The following MAS1 variants were observed in gnomAD, a reference collection of about 807,000 sequenced individuals.
MAS1 encodes the protein MAS1 proto-oncogene, G protein-coupled receptor.
For synonymous variants in MAS1, 163 were observed against 164.2 expected (o/e 0.99, Z 0.05); for missense variants, 387 against 409.7 (o/e 0.94, Z 0.48).
rs562156093 is a variant in MAS1 at position 159,912,129 on chromosome 6, A to C, written c.*4196A>C. 4 of 152,442 alleles carry C rather than the reference A, an allele frequency of 2.6e-5. No individual in the cohort carries two copies. In the East Asian group the frequency reaches 7.7e-4, roughly 29 times the overall value. 9.4% of individuals were successfully genotyped at this position (152,442 alleles called of 1,614,324 possible). ...TTTCTCTGGAGACAGCATTGTATGC[A>C]CTGAGATGAGCAACTGGAGAGCCAC... On this transcript the variant is annotated 3_prime_UTR_variant, in exon 3 of 3. Transcript: ENST00000674077.
rs971918619 is a variant in MAS1, at chr6:159,910,235, T to C, written c.*2302T>C. ...GTAGCATTCCTACTACAAAGATTCA[T>C]GCACAGCCTTCTCTGCAGAACACCA... On this transcript the variant is annotated 3_prime_UTR_variant, in exon 3 of 3. Transcript: ENST00000674077. 1 of 152,218 alleles carries C rather than the reference T, an allele frequency of 6.6e-6. No individual in the cohort carries two copies. Among genetic ancestry groups the C allele is most frequent in the East Asian group, 1.9e-4 (1 of 5,200 alleles). 9.4% of individuals were successfully genotyped at this position (152,218 alleles called of 1,614,324 possible).
At position 159,908,509 on chromosome 6, in the gene MAS1, G is replaced by GCA. The variant is rs55793021; in HGVS notation, c.*611_*612dup. 37,605 of 145,588 alleles carry GCA rather than the reference G, an allele frequency of 0.26. 4,917 individuals carry two copies. Among genetic ancestry groups the GCA allele is most frequent in the Middle Eastern group, 0.35 (102 of 288 alleles). The allele number at this position is 145,588 out of a possible 1,614,324, so 9.0% of individuals were successfully genotyped here. A position where few individuals can be genotyped will look rare whatever the true frequency, so the allele number is the denominator to read the frequency against. ...AAGATATAAATTTTTGTTTTGTAAAGCACACACACACACACACACACACAC... is the reference window on the plus strand; with the variant it reads ...AAGATATAAATTTTTGTTTTGTAAAGCACACACACACACACACACACACACAC... On this transcript the variant is annotated 3_prime_UTR_variant, in exon 3 of 3. Coordinates refer to ENST00000674077, the MANE Select transcript of MAS1 (RefSeq NM_002377.4).
chr6:159,905,843 A>G (rs931419323), intron 2 of MAS1, among the ~76,000 whole-genome samples: 19 of 152,176 alleles, frequency 1.2e-4, no homozygotes, highest in African/African-American at 4.3e-4. Flanking sequence ...GGAGTTCAAG[A>G]CCAGCCTCAC....
At chr6:159,906,730 G>C (rs527368844) in intron 2 of MAS1, 190 bp from the exon 3 acceptor site, 52 of 511,750 alleles carry the variant, frequency 1.0e-4, no homozygotes, top group African/African-American at 9.4e-4. Context: ...AGTCTTATCA[G>C]GTCTAAGTTC....
chr6:159,898,631 TTCTTCCTCCTCCCTCTTCC>T (rs1782786012), intron 1 of MAS1, among the ~76,000 whole-genome samples: 1 of 99,050 alleles, frequency 1.0e-5, no homozygotes. Flanking sequence ...CTCCTCCCTC[TTCTTCCTCCTCCCTCTTCC>T]TCCTCCTCCC....
chr6:159,896,420 A>G (rs1047439131), intron 1 of MAS1, among the ~76,000 whole-genome samples: 4 of 152,250 alleles, frequency 2.6e-5, no homozygotes, highest in African/African-American at 9.6e-5. Context: ...CTGAGTAAAA[A>G]AAGGTAGAAA....
At position 159,896,066 on chromosome 6, in the gene MAS1, C is replaced by A. The variant is rs142755833; in HGVS notation, c.-243-3120C>A. 8.0e-4 allele frequency among the ~76,000 whole-genome samples: 122 copies of A among 152,254 alleles called. 1 individual carries two copies. In the East Asian group the frequency reaches 0.018, roughly 23 times the overall value. On this transcript the variant is annotated intron_variant, in intron 1 of 2. Coordinates refer to ENST00000674077, the MANE Select transcript of MAS1 (RefSeq NM_002377.4). ...GCTCACGCCTGTAATCCCAGCACTG[C>A]GGGAGGCCAAGACAGGAGAATCAGT...
Position 159,907,312 on chromosome 6 carries a change from C to G in MAS1, c.357C>G (p.Gly119=). 6.2e-7 allele frequency: 1 copy of G among 1,614,212 alleles called. No individual in the cohort carries two copies. Among genetic ancestry groups the G allele is most frequent in the South Asian group, 1.1e-5 (1 of 91,088 alleles). ...CTTTTCTGTTTGGCTACAACACGGG[C>G]CTCTATCTGCTGACGGCCATTAGTG... ...SVTFLFGYNT[G]LYLLTAISVE... Residue 119 remains glycine, a synonymous_variant, in exon 3 of 3, where the codon GGC becomes GGG. Coordinates refer to ENST00000674077, the MANE Select transcript of MAS1 (RefSeq NM_002377.4).
chr6:159,907,425 G>T lies in MAS1; in HGVS notation c.470G>T (p.Trp157Leu). Reference sequence around the variant, plus strand: ...TCGGCATTGGTCTGTGCCCTTCTGTGGGCTCTTTCTTGCTTGGTGACCACC... The same window carrying T: ...TCGGCATTGGTCTGTGCCCTTCTGTTGGCTCTTTCTTGCTTGGTGACCACC... ...YQSALVCALL[W>L]ALSCLVTTME... is the part of the protein sequence containing the mutation. Residue 157 changes from tryptophan (W) to leucine (L), a missense_variant, in exon 3 of 3, where the codon TGG becomes TTG. Coordinates refer to ENST00000674077, the MANE Select transcript of MAS1 (RefSeq NM_002377.4). 3.7e-6 allele frequency: 6 copies of T among 1,614,022 alleles called. No individual in the cohort carries two copies. The highest frequency in any genetic ancestry group is 5.1e-6 in the Non-Finnish European group (6 of 1,180,012).
intron 1 of MAS1, among the ~76,000 whole-genome samples, chr6:159,892,980 T>C (rs988009803): frequency 6.6e-6 from 1 of 152,196 alleles, no homozygotes; most frequent in African/African-American, 2.4e-5. Flanking sequence ...CATGGTCAGT[T>C]TGACTGAAAG....
At chr6:159,904,759 C>T (rs1288442114) in intron 2 of MAS1, among the ~76,000 whole-genome samples, 3 of 152,210 alleles carry the variant, frequency 2.0e-5, no homozygotes, top group Non-Finnish European at 4.4e-5. Context: ...CCACAAAGCC[C>T]GTTTGGACCT....
chr6:159,889,551 G>A (rs958418817), upstream of MAS1, among the ~76,000 whole-genome samples: 5 of 152,060 alleles, frequency 3.3e-5, no homozygotes, highest in African/African-American at 4.8e-5. Flanking sequence ...GTTTTCTTCC[G>A]TGGGTCTGAT....
Position 159,909,267 on chromosome 6 carries a change from C to G in MAS1, c.*1334C>G, listed in dbSNP as rs1445949053. ...CAAAAGGGCAATATGTCACATGATTCTACAGGTTGTAAAATGTTCAAGTCC... is the reference window on the plus strand; with the variant it reads ...CAAAAGGGCAATATGTCACATGATTGTACAGGTTGTAAAATGTTCAAGTCC... On this transcript the variant is annotated 3_prime_UTR_variant, in exon 3 of 3. Coordinates refer to ENST00000674077, the MANE Select transcript of MAS1 (RefSeq NM_002377.4). 1.3e-5 allele frequency: 2 copies of G among 152,138 alleles called. No individual in the cohort carries two copies. Among genetic ancestry groups the G allele is most frequent in the African/African-American group, 4.8e-5 (2 of 41,420 alleles). 9.4% of individuals were successfully genotyped at this position (152,138 alleles called of 1,614,324 possible).
rs1366357694 is a variant in MAS1 at position 159,908,994 on chromosome 6, A to G, written c.*1061A>G. 1.5e-5 allele frequency: 2 copies of G among 135,062 alleles called. No individual in the cohort carries two copies. Among genetic ancestry groups the G allele is most frequent in the Non-Finnish European group, 3.1e-5 (2 of 63,698 alleles). The allele number at this position is 135,062 out of a possible 1,614,324, so 8.4% of individuals were successfully genotyped here. Reference sequence around the variant, plus strand: ...TCCTGAGGCTTTTTTTTTTTTTTTCATCACACCTGGAAGGAGGCTCAGTGG... The same window carrying G: ...TCCTGAGGCTTTTTTTTTTTTTTTCGTCACACCTGGAAGGAGGCTCAGTGG... On this transcript the variant is annotated 3_prime_UTR_variant, in exon 3 of 3. Transcript: ENST00000674077.
intron 2 of MAS1, among the ~76,000 whole-genome samples, chr6:159,900,728 A>C (rs1016631072): frequency 1.2e-4 from 19 of 152,134 alleles, no homozygotes; most frequent in African/African-American, 4.3e-4. Flanking sequence ...GATGCCCTGC[A>C]CTGAAAGTGG....
chr6:159,901,159 T>A (rs958519028), intron 2 of MAS1, among the ~76,000 whole-genome samples: 1 of 152,286 alleles, frequency 6.6e-6, no homozygotes, highest in African/African-American at 2.4e-5. Flanking sequence ...AGGACACCAC[T>A]TCTATTGGAT....
At chr6:159,896,900 G>A (rs1474994389) in intron 1 of MAS1, among the ~76,000 whole-genome samples, 9 of 151,948 alleles carry the variant, frequency 5.9e-5, no homozygotes, top group Non-Finnish European at 1.3e-4. Context: ...TTGAGACGGA[G>A]TCTTGATCTG....
chr6:159,902,627 T>G (rs924283387), intron 2 of MAS1: 25 of 152,238 alleles, frequency 1.6e-4, no homozygotes, highest in African/African-American at 6.0e-4. Context: ...CACGTTGTGT[T>G]TCTGTTGGAC....
At chr6:159,905,427 C>T (rs2115116907) in intron 2 of MAS1, among the ~76,000 whole-genome samples, 1 of 152,286 alleles carries the variant, frequency 6.6e-6, no homozygotes, top group Non-Finnish European at 1.5e-5. Context: ...TCCTGCATCC[C>T]ATTAGAACAG....
Sources: gnomAD v4.1 joint callset for allele counts (sites outside exome capture counted in the v4.1 genomes callset) on GRCh38, gnomAD v4.1.1 for gene constraint, MANE v1.5 for transcripts, NCBI Gene and HGNC (gene_info 2026-07-23, HGNC 2026-07-21) for gene names.